UNK: variants seen among roughly 807,000 people sequenced by gnomAD.
UNK encodes the protein RING finger protein unkempt homolog.
In UNK, 32 loss-of-function variants were observed where a neutral mutation model predicts 97.6. The ratio of observed to expected loss-of-function variants is 0.33; its 90% CI spans 0.25 to 0.44. The LOEUF is 0.44. Ranked by LOEUF, UNK falls within the 20% of genes least tolerant of loss-of-function variation. UNK has a pLI of 1.00. For missense variants in UNK, 771 were observed against 1,098.4 expected (o/e 0.70, Z 4.21); for synonymous variants, 441 against 461.2 (o/e 0.96, Z 0.56).
intron 1 of UNK, among the ~76,000 whole-genome samples, chr17:75,800,210 A>G (rs1001119010): frequency 6.6e-6 from 1 of 152,060 alleles, no homozygotes; most frequent in African/African-American, 2.4e-5. Context: ...CTGGGACTAT[A>G]GGTGTGCACC....
At chr17:75,805,041 C>T (rs1403251772) in intron 1 of UNK, among the ~76,000 whole-genome samples, 5 of 148,632 alleles carry the variant, frequency 3.4e-5, no homozygotes, top group South Asian at 2.2e-4. Flanking sequence ...ATTAGCCGGG[C>T]GTGGTGGCAG....
rs751852253 is a variant in UNK at position 75,823,397 on chromosome 17, G to A, written c.2152G>A (p.Glu718Lys). The A allele has an allele frequency of 5.6e-6, 9 of 1,608,638 alleles. No homozygotes were observed. Among genetic ancestry groups the A allele is most frequent in the East Asian group, 2.2e-5 (1 of 44,728 alleles). The change falls in exon 15 of 16, where the codon GAG (glutamate) becomes AAG (lysine). Residue 718 changes from glutamate (E) to lysine (K), a missense_variant. Transcript: ENST00000589666. ...GGTGAAGAAGCTCCAGGAGGAGCTG[G>A]AGCGGCTACACGCGGGGCCTGAGCC... ...VQVKKLQEEL[E>K]RLHAGPEPQA... is the part of the protein sequence containing the mutation.
At position 75,818,426 on chromosome 17, in the gene UNK, A is replaced by C. The variant is rs1183202913; in HGVS notation, c.1372-216A>C. 6.6e-6 allele frequency among the ~76,000 whole-genome samples: 1 copy of C among 152,154 alleles called. No homozygotes were observed. The highest frequency in any genetic ancestry group is 1.5e-5 in the Non-Finnish European group (1 of 68,012). ...TACTCGCTTCTCTCTTCCCTGCTAC[A>C]GGACTGTAGGGGCGAATGGGCCTGG... On this transcript the variant is annotated intron_variant, in intron 10 of 15. Transcript: ENST00000589666. The surrounding 1 kb of genome is among the most constrained non-coding windows in gnomAD (Gnocchi z 5.1).
chr17:75,814,777 A>T (rs2062002339), intron 6 of UNK, among the ~76,000 whole-genome samples: 1 of 152,348 alleles, frequency 6.6e-6, no homozygotes, highest in South Asian at 2.1e-4. Context: ...AAGGTTACTT[A>T]TATAGGTCAC....
At position 75,817,652 on chromosome 17, in the gene UNK, C is replaced by G. The variant is rs1392648182; in HGVS notation, c.1305+126C>G. On this transcript the variant is annotated intron_variant, in intron 9 of 15. Coordinates refer to ENST00000589666, the MANE Select transcript of UNK (RefSeq NM_001080419.3). The surrounding 1 kb of genome is among the most constrained non-coding windows in gnomAD (Gnocchi z 5.8). ...GAGCTAGGACTCCACTGTCCTCGGC[C>G]TCTTCAGGACTGAACAGAGGGAGCA... The G allele has an allele frequency of 2.6e-5, 27 of 1,029,954 alleles. No homozygotes were observed. Among genetic ancestry groups the G allele is most frequent in the Non-Finnish European group, 3.3e-5 (24 of 719,388 alleles). The allele number at this position is 1,029,954 out of a possible 1,614,324, so 63.8% of individuals were successfully genotyped here.
Position 75,817,248 on chromosome 17 carries a change from CTG to C in UNK, c.1105-77_1105-76del. 1 of 1,436,832 alleles carries C rather than the reference CTG, an allele frequency of 7.0e-7. No individual in the cohort carries two copies. The highest frequency in any genetic ancestry group is 9.3e-7 in the Non-Finnish European group (1 of 1,072,730). The allele number at this position is 1,436,832 out of a possible 1,614,324, so 89.0% of individuals were successfully genotyped here. On this transcript the variant is annotated intron_variant, in intron 8 of 15. Coordinates refer to ENST00000589666, the MANE Select transcript of UNK (RefSeq NM_001080419.3). The surrounding 1 kb of genome is among the most constrained non-coding windows in gnomAD (Gnocchi z 5.8). ...GAACTGAGCCCCTTGAAGACTCCCT[CTG>C]GAGAGGGTGGAGGATGGGCCACGCA... is the stretch of plus-strand genomic sequence containing the variant.
chr17:75,789,811 T>G (rs894671313), intron 1 of UNK, among the ~76,000 whole-genome samples: 2 of 152,178 alleles, frequency 1.3e-5, no homozygotes, highest in African/African-American at 4.8e-5. Flanking sequence ...TTTAGCTACC[T>G]TTTGGCTTTT....
chr17:75,824,231 G>T lies in UNK; in HGVS notation c.2278-31G>T. ...CGCTCAACTTGGGGCCAGACCCATG[G>T]ATGGTGACCACGATGCCCCTTTCCC... is the stretch of plus-strand genomic sequence containing the variant. On this transcript the variant is annotated intron_variant, in intron 15 of 15. Coordinates refer to ENST00000589666, the MANE Select transcript of UNK (RefSeq NM_001080419.3). The surrounding 1 kb of genome is among the most constrained non-coding windows in gnomAD (Gnocchi z 4.9). The T allele has an allele frequency of 6.4e-7, 1 of 1,561,478 alleles. No homozygotes were observed.
chr17:75,794,507 G>A (rs937465894), intron 1 of UNK, among the ~76,000 whole-genome samples: 2 of 151,900 alleles, frequency 1.3e-5, no homozygotes, highest in South Asian at 2.1e-4. Flanking sequence ...GTGTGGTGGC[G>A]GGCACCTGTA....
intron 2 of UNK, among the ~76,000 whole-genome samples, chr17:75,811,070 C>T (rs1431284469): frequency 1.3e-5 from 2 of 152,160 alleles, no homozygotes. Context: ...CTACCTCAGC[C>T]TCCCAAGTAG....
intron 3 of UNK, 24 bp from the exon 4 acceptor site, chr17:75,812,431 C>T: frequency 1.2e-6 from 2 of 1,605,978 alleles, no homozygotes; most frequent in East Asian, 2.2e-5. Flanking sequence ...TCTCCACCCT[C>T]TCTGTTCTTT....
In UNK at chr17:75,818,316, G is replaced by T. The variant is rs944894455; in HGVS notation, c.1371+148G>T. Reference sequence around the variant, plus strand: ...GGTCCCAGCCACAAATCCAGAGAGGGTAGGGGGTCAGGCCCTGGAGCCCCT... The same window carrying T: ...GGTCCCAGCCACAAATCCAGAGAGGTTAGGGGGTCAGGCCCTGGAGCCCCT... On this transcript the variant is annotated intron_variant, in intron 10 of 15. Coordinates refer to ENST00000589666, the MANE Select transcript of UNK (RefSeq NM_001080419.3). This position sits in a 1 kb window ranked among gnomAD's most constrained non-coding sequence, Gnocchi z 5.1. 1.1e-6 allele frequency: 1 copy of T among 928,632 alleles called. No individual in the cohort carries two copies. The highest frequency in any genetic ancestry group is 3.1e-4 in the Middle Eastern group (1 of 3,278). The allele number at this position is 928,632 out of a possible 1,614,324, so 57.5% of individuals were successfully genotyped here.
At chr17:75,807,131 T>C (rs1161330140) in intron 1 of UNK, among the ~76,000 whole-genome samples, 1 of 152,194 alleles carries the variant, frequency 6.6e-6, no homozygotes, top group African/African-American at 2.4e-5. Flanking sequence ...GCTGAACATA[T>C]CCTAGGTTTC....
intron 1 of UNK, among the ~76,000 whole-genome samples, chr17:75,787,167 G>A (rs972522854): frequency 1.3e-5 from 2 of 152,120 alleles, no homozygotes; most frequent in Admixed American, 1.3e-4. Flanking sequence ...GAGGTGCAGG[G>A]AGCATGAGGA....
chr17:75,819,627 G>A lies in UNK; in HGVS notation c.1547-57G>A. 2 of 1,526,590 alleles carry A rather than the reference G, an allele frequency of 1.3e-6. No individual in the cohort carries two copies. The highest frequency in any genetic ancestry group is 2.3e-5 in the East Asian group (1 of 44,426). The allele number at this position is 1,526,590 out of a possible 1,614,324, so 94.6% of individuals were successfully genotyped here. The stretch of plus-strand genomic sequence containing the variant: ...AGATGCAGCGTGGGCAGTAGACGAG[G>A]TGGTCAGGGTCAGATAGTCCCTCGG... On this transcript the variant is annotated intron_variant, in intron 11 of 15. Transcript: ENST00000589666. This position sits in a 1 kb window ranked among gnomAD's most constrained non-coding sequence, Gnocchi z 5.4.
chr17:75,806,808 G>T (rs1032432815), intron 1 of UNK, among the ~76,000 whole-genome samples: 1 of 152,162 alleles, frequency 6.6e-6, no homozygotes, highest in African/African-American at 2.4e-5. Flanking sequence ...TTAAATTCGG[G>T]CTCTAGGAAG....
intron 1 of UNK, among the ~76,000 whole-genome samples, chr17:75,789,080 A>AT (rs1182079272): frequency 6.6e-6 from 1 of 152,212 alleles, no homozygotes; most frequent in Non-Finnish European, 1.5e-5. Flanking sequence ...AGGATTATTC[A>AT]TAACATAGTT....
chr17:75,787,738 T>C (rs1599353875), intron 1 of UNK, among the ~76,000 whole-genome samples: 2 of 150,454 alleles, frequency 1.3e-5, no homozygotes, highest in South Asian at 4.3e-4. Context: ...GGCAGGAGAA[T>C]CGCTTGAACC....
chr17:75,818,725 C>G lies in UNK; in HGVS notation c.1455C>G (p.Pro485=). ...TCACCTCCAGCCTGGCAGCTACCCCCCCTAGCCCAGTGGGCACCAGCAGCG... is the reference window on the plus strand; with the variant it reads ...TCACCTCCAGCCTGGCAGCTACCCCGCCTAGCCCAGTGGGCACCAGCAGCG... ...SSITSSLAAT[P]PSPVGTSSVP... Residue 485 remains proline (P), a synonymous_variant, in exon 11 of 16, where the codon CCC becomes CCG. Coordinates refer to ENST00000589666, the MANE Select transcript of UNK (RefSeq NM_001080419.3). This position sits in a 1 kb window ranked among gnomAD's most constrained non-coding sequence, Gnocchi z 5.1. The G allele has an allele frequency of 1.2e-6, 2 of 1,613,370 alleles. No individual in the cohort carries two copies. The highest frequency in any genetic ancestry group is 1.7e-5 in the Admixed American group (1 of 59,964).
Sources: gnomAD v4.1 joint callset for allele counts (sites outside exome capture counted in the v4.1 genomes callset) on GRCh38, gnomAD v4.1.1 for gene constraint, Gnocchi (gnomAD v3.1) non-coding constraint, MANE v1.5 for transcripts, NCBI Gene and HGNC (gene_info 2026-07-23, HGNC 2026-07-21) for gene names.